Variants in NTM observed in about 807,000 individuals in gnomAD.
The protein encoded by NTM is IgLON family member 2.
NTM carries 13 observed loss-of-function variants against 42.1 expected under a neutral mutation model. That is an observed-to-expected ratio of 0.31 (90% confidence interval 0.20 to 0.49). The LOEUF (loss-of-function observed/expected upper bound fraction) is 0.49. NTM is among the 20% of genes least tolerant of loss of function. The probability of loss-of-function intolerance (pLI) is 0.99; values close to 1 mark genes in which losing one functional copy is unlikely to be tolerated. For missense variants in NTM, 373 were observed against 452.8 expected (o/e 0.82, Z 1.60); for synonymous variants, 187 against 179.2 (o/e 1.04, Z -0.35).
rs111399569 is a variant in NTM, at chr11:131,601,800, A to G, written c.82+230912A>G. On this transcript the variant is annotated intron_variant, in intron 1 of 8. Transcript: ENST00000683400. The stretch of plus-strand genomic sequence containing the variant: ...TTTTACTCCTGTTTATTTAGTCATC[A>G]TATATTTATCCATTTATTCAACAAA... Among the ~76,000 whole-genome samples, 208 of 152,310 alleles carry G rather than the reference A, an allele frequency of 1.4e-3. 4 individuals carry two copies. Among genetic ancestry groups the G allele is most frequent in the African/African-American group, 4.9e-3 (204 of 41,572 alleles).
intron 2 of NTM, among the ~76,000 whole-genome samples, chr11:132,014,131 TGAGAACC>T (rs2072877701): frequency 6.6e-6 from 1 of 152,086 alleles, no homozygotes; most frequent in African/African-American, 2.4e-5. Context: ...CACATATGTG[TGAGAACC>T]TGTGATATTT....
At chr11:131,459,111 T>A (rs1216988587) in intron 1 of NTM, among the ~76,000 whole-genome samples, 2 of 152,216 alleles carry the variant, frequency 1.3e-5, no homozygotes, top group Non-Finnish European at 2.9e-5. Flanking sequence ...CCTTCATGGA[T>A]CTGTGCATAA....
At chr11:132,317,660 A>AT (rs1035019346) in intron 7 of NTM, 5 of 1,303,356 alleles carry the variant, frequency 3.8e-6, no homozygotes, top group Non-Finnish European at 5.1e-6. Flanking sequence ...TTTAGAACTA[A>AT]ATGAGCCTAC....
chr11:132,205,986 G>A (rs376617109), intron 3 of NTM, among the ~76,000 whole-genome samples: 2 of 152,104 alleles, frequency 1.3e-5, no homozygotes, highest in Admixed American at 6.5e-5. Flanking sequence ...TTAACAGAAC[G>A]GCATTCCTGC....
At chr11:131,897,625 G>A (rs1437818488) in intron 1 of NTM, among the ~76,000 whole-genome samples, 1 of 152,174 alleles carries the variant, frequency 6.6e-6, no homozygotes. Flanking sequence ...AACTCGAGTA[G>A]AGCAAATATA....
In NTM at chr11:131,518,432, A is replaced by G. The variant is rs151068252; in HGVS notation, c.82+147544A>G. Among the ~76,000 whole-genome samples the G allele has an allele frequency of 3.1e-3, 475 of 152,272 alleles. 3 individuals are homozygous for G. The highest frequency in any genetic ancestry group is 0.011 in the African/African-American group (452 of 41,542). ...TTAAGCTGAGTACTTAGAATTCAGT[A>G]CACATTTTCCCATAGAAATTATGTT... is the stretch of plus-strand genomic sequence containing the variant. On this transcript the variant is annotated intron_variant, in intron 1 of 8. Transcript: ENST00000683400.
At chr11:131,695,518 G>GAA (rs1215933640) in intron 1 of NTM, among the ~76,000 whole-genome samples, 1 of 152,184 alleles carries the variant, frequency 6.6e-6, no homozygotes, top group Non-Finnish European at 1.5e-5. Flanking sequence ...AGGAAATGAG[G>GAA]TTGTCGGGTT....
intron 1 of NTM, among the ~76,000 whole-genome samples, chr11:131,572,420 G>A (rs770938797): frequency 1.3e-5 from 2 of 152,086 alleles, no homozygotes; most frequent in East Asian, 1.9e-4. Flanking sequence ...TGGACCATCC[G>A]TGACTCCTGT....
intron 2 of NTM, among the ~76,000 whole-genome samples, chr11:131,953,451 T>G (rs2061237397): frequency 6.6e-6 from 1 of 152,150 alleles, no homozygotes; most frequent in South Asian, 2.1e-4. Context: ...GAACAGACCC[T>G]TGAAGACCAC....
intron 1 of NTM, among the ~76,000 whole-genome samples, chr11:131,422,332 A>G (rs78195505): frequency 1.6e-4 from 24 of 152,240 alleles, no homozygotes; most frequent in Non-Finnish European, 3.1e-4. Flanking sequence ...CTGAATGTGT[A>G]TCTCCTCCCC....
intron 2 of NTM, among the ~76,000 whole-genome samples, chr11:131,986,600 C>A (rs2066107522): frequency 6.6e-6 from 1 of 152,116 alleles, no homozygotes; most frequent in Non-Finnish European, 1.5e-5. Context: ...AAATTGCAGC[C>A]CCTTCTGTCC....
chr11:131,800,444 G>T (rs966595782), intron 1 of NTM, among the ~76,000 whole-genome samples: 5 of 152,212 alleles, frequency 3.3e-5, no homozygotes, highest in African/African-American at 1.2e-4. Context: ...AGAACCACAG[G>T]TGTCTCCAAA....
Position 131,878,593 on chromosome 11 carries a change from AAATATATATATATATATATATATATATAT to A in NTM, c.83-32969_83-32941del, listed in dbSNP as rs1450530819. Among the ~76,000 whole-genome samples, 11 of 25,106 alleles carry A rather than the reference AAATATATATATATATATATATATATATAT, an allele frequency of 4.4e-4. 1 individual carries two copies. The highest frequency in any genetic ancestry group is 8.1e-4 in the African/African-American group (6 of 7,378). The allele number at this position is 25,106 out of a possible 152,430, so 16.5% of individuals were successfully genotyped here. On this transcript the variant is annotated intron_variant, in intron 1 of 8. Transcript: ENST00000683400. ...TCAAAAAAAAAAAAAAAAAAAAAAA[AAATATATATATATATATATATATATATAT>A]ATATATATATATATATATAATGTCT...
At chr11:132,305,513 C>A (rs2095045173) in intron 4 of NTM, among the ~76,000 whole-genome samples, 1 of 152,090 alleles carries the variant, frequency 6.6e-6, no homozygotes, top group Non-Finnish European at 1.5e-5. Context: ...AAATATGACA[C>A]CAATTGCCAC....
intron 3 of NTM, among the ~76,000 whole-genome samples, chr11:132,187,045 A>G (rs1366618779): frequency 3.9e-5 from 6 of 152,184 alleles, no homozygotes; most frequent in Admixed American, 1.3e-4. Flanking sequence ...CATCTGTTCA[A>G]TTGAATAGAC....
chr11:131,799,002 A>T (rs1263921766), intron 1 of NTM, among the ~76,000 whole-genome samples: 1 of 152,236 alleles, frequency 6.6e-6, no homozygotes, highest in Non-Finnish European at 1.5e-5. Flanking sequence ...TTGTTCAATT[A>T]ATTATTGATT....
intron 1 of NTM, among the ~76,000 whole-genome samples, chr11:131,617,737 C>CA (rs1159532028): frequency 6.6e-6 from 1 of 152,226 alleles, no homozygotes; most frequent in African/African-American, 2.4e-5. Context: ...TCAGCTTCCA[C>CA]AACACAAAGG....
Position 132,070,632 on chromosome 11 carries a change from C to A in NTM, c.168-75650C>A, listed in dbSNP as rs1240583748. ...TAGTTAACACATCACACAGCCAAAA[C>A]ACGTCAAACTGACCACCACAGGTTA... is the stretch of plus-strand genomic sequence containing the variant. On this transcript the variant is annotated intron_variant, in intron 2 of 8. Coordinates refer to ENST00000683400, the MANE Select transcript of NTM (RefSeq NM_001352005.2). Among the ~76,000 whole-genome samples the A allele has an allele frequency of 3.0e-5, 4 of 131,310 alleles. No homozygotes were observed. In the East Asian group the frequency reaches 9.5e-4, roughly 31 times the overall value. The allele number at this position is 131,310 out of a possible 152,430, so 86.1% of individuals were successfully genotyped here. A position where few individuals can be genotyped will look rare whatever the true frequency, so the allele number is the denominator to read the frequency against.
chr11:131,841,398 A>T (rs2044223748), intron 1 of NTM, among the ~76,000 whole-genome samples: 1 of 152,176 alleles, frequency 6.6e-6, no homozygotes, highest in Non-Finnish European at 1.5e-5. Context: ...TAGGTGTTAG[A>T]GCTACAACGG....
Sources: allele counts gnomAD v4.1 joint callset (sites outside exome capture counted in the v4.1 genomes callset), GRCh38; gene constraint gnomAD v4.1.1; transcripts MANE v1.5; gene names NCBI Gene and HGNC (gene_info 2026-07-23, HGNC 2026-07-21).